Variants in CECR2 observed in about 807,000 individuals in gnomAD.
CECR2 encodes the protein chromatin remodeling regulator CECR2.
In CECR2, 30 loss-of-function variants were observed where a neutral mutation model predicts 154.5. That is an observed-to-expected ratio of 0.19 (90% CI 0.15 to 0.26). The LOEUF (loss-of-function observed/expected upper bound fraction) is 0.26. Among genes scored for constraint, CECR2 ranks in the 10% least tolerant of loss-of-function variants. CECR2 has a pLI of 1.00. For synonymous variants in CECR2, 725 were observed against 683.7 expected (o/e 1.06, Z -0.94); for missense variants, 1,743 against 1,829.3 (o/e 0.95, Z 0.86).
rs562584705 is a variant in CECR2 at position 17,407,721 on chromosome 22, C to T, written c.126+37812C>T. Among the ~76,000 whole-genome samples, 3 of 152,216 alleles carry T rather than the reference C, an allele frequency of 2.0e-5. No individual in the cohort carries two copies. In the South Asian group the frequency reaches 6.2e-4, roughly 32 times the overall value. On this transcript the variant is annotated intron_variant, in intron 1 of 18. Coordinates refer to ENST00000262608, the MANE Select transcript of CECR2 (RefSeq NM_001290047.2). ...CAGTGGTTCTCAACGGGGTGATTTGCCCTCTTAGAGGACTTTGGCGGTGTC... is the reference window on the plus strand; with the variant it reads ...CAGTGGTTCTCAACGGGGTGATTTGTCCTCTTAGAGGACTTTGGCGGTGTC...
chr22:17,427,506 C>T (rs780543240), intron 1 of CECR2, among the ~76,000 whole-genome samples: 3 of 151,826 alleles, frequency 2.0e-5, no homozygotes, highest in South Asian at 4.2e-4. Context: ...TTAAAGGTGG[C>T]GCGTCCAGGG....
intron 1 of CECR2, among the ~76,000 whole-genome samples, chr22:17,404,396 C>T (rs1301217738): frequency 9.3e-5 from 2 of 21,426 alleles, no homozygotes; most frequent in East Asian, 7.2e-4. Context: ...TTTTTTGAGA[C>T]GGAGTCTCGC....
chr22:17,458,053 C>T (rs879496442), intron 1 of CECR2, among the ~76,000 whole-genome samples: 13 of 151,972 alleles, frequency 8.6e-5, no homozygotes, highest in Non-Finnish European at 1.8e-4. Context: ...ACAAGGGAGC[C>T]CTGTGGTGAT....
chr22:17,540,443 G>A lies in CECR2; in HGVS notation c.1527G>A (p.Arg509=), dbSNP rs2056504240. The change falls in exon 14 of 19, where the codon AGG becomes AGA. Residue 509 remains arginine (R), a synonymous_variant. Coordinates refer to ENST00000262608, the MANE Select transcript of CECR2 (RefSeq NM_001290047.2). The part of the protein sequence containing the change: ...EYTKMSDNLE[R]CFHRAMMKHF... Reference sequence around the variant, plus strand: ...CCAAGATGTCTGATAATTTAGAGAGGTGTTTCCATCGGGCAATGATGAAAC... The same window carrying A: ...CCAAGATGTCTGATAATTTAGAGAGATGTTTCCATCGGGCAATGATGAAAC... The A allele has an allele frequency of 6.4e-7, 1 of 1,570,858 alleles. No individual in the cohort carries two copies. Among genetic ancestry groups the A allele is most frequent in the East Asian group, 2.3e-5 (1 of 44,356 alleles).
At chr22:17,437,879 A>G (rs1237297604) in intron 1 of CECR2, among the ~76,000 whole-genome samples, 1 of 152,228 alleles carries the variant, frequency 6.6e-6, no homozygotes, top group Non-Finnish European at 1.5e-5. Flanking sequence ...AATGTTAACC[A>G]ATGTTGACCA....
intron 1 of CECR2, among the ~76,000 whole-genome samples, chr22:17,454,983 C>T (rs1317241872): frequency 6.6e-6 from 1 of 152,198 alleles, no homozygotes; most frequent in African/African-American, 2.4e-5. Context: ...ACACGTCCAC[C>T]CTACTGCTGT....
chr22:17,459,820 T>C (rs1381284320), intron 1 of CECR2, among the ~76,000 whole-genome samples: 1 of 152,232 alleles, frequency 6.6e-6, no homozygotes, highest in Non-Finnish European at 1.5e-5. Context: ...TTTCCAAATA[T>C]GCAACCTAAA....
At chr22:17,391,445 C>T (rs1252597624) in intron 1 of CECR2, among the ~76,000 whole-genome samples, 5 of 152,212 alleles carry the variant, frequency 3.3e-5, no homozygotes, top group African/African-American at 9.6e-5. Flanking sequence ...ACTCTGGCTC[C>T]GGTCCAGGCT....
chr22:17,479,451 A>G (rs533903577), intron 2 of CECR2, among the ~76,000 whole-genome samples: 37 of 152,310 alleles, frequency 2.4e-4, no homozygotes, highest in African/African-American at 8.4e-4. Flanking sequence ...TTACAACAGT[A>G]AGTGCTTAGA....
chr22:17,506,962 C>T (rs1296755), intron 7 of CECR2, among the ~76,000 whole-genome samples: 131,679 of 152,262 alleles, frequency 0.86, 56,991 homozygotes, highest in East Asian at 0.97. Flanking sequence ...CCTGCCTTGC[C>T]TTTTCTATGG....
At chr22:17,524,304 G>A in intron 9 of CECR2, 33 bp downstream of exon 9, 1 of 1,599,102 alleles carries the variant, frequency 6.3e-7, no homozygotes, top group South Asian at 1.1e-5. Flanking sequence ...CTGGAGAGGT[G>A]CATGTCTGTC....
intron 1 of CECR2, among the ~76,000 whole-genome samples, chr22:17,400,359 C>G (rs1040949154): frequency 1.3e-5 from 2 of 152,132 alleles, no homozygotes; most frequent in Admixed American, 1.3e-4. Flanking sequence ...CAGCCAGTCA[C>G]TGAGGTGTGT....
chr22:17,422,661 T>C (rs1048819108), intron 1 of CECR2, among the ~76,000 whole-genome samples: 3 of 152,196 alleles, frequency 2.0e-5, no homozygotes, highest in African/African-American at 7.2e-5. Context: ...TTACACCTTT[T>C]GTACCTGTCC....
chr22:17,371,472 CTG>C (rs1204935140), intron 1 of CECR2, among the ~76,000 whole-genome samples: 1 of 152,154 alleles, frequency 6.6e-6, no homozygotes, highest in Non-Finnish European at 1.5e-5. Flanking sequence ...CTTTAGACAA[CTG>C]TTAATATTGA....
intron 3 of CECR2, 41 bp from the exon 4 acceptor site, chr22:17,499,369 G>A: frequency 6.3e-7 from 1 of 1,584,590 alleles, no homozygotes; most frequent in Admixed American, 1.9e-5. Flanking sequence ...GGTGCGTTTT[G>A]TTCCCCATTT....
chr22:17,555,320 T>A lies in CECR2; in HGVS notation c.*2480T>A, dbSNP rs2056760742. The A allele has an allele frequency of 6.6e-6, 1 of 152,240 alleles. No homozygotes were observed. Among genetic ancestry groups the A allele is most frequent in the African/African-American group, 2.4e-5 (1 of 41,462 alleles). 9.4% of individuals were successfully genotyped at this position (152,240 alleles called of 1,614,324 possible). ...GAAGAGCAATAGGAAATAGAACTAC[T>A]GTATTATAACACTGTGAACAAGAAC... On this transcript the variant is annotated 3_prime_UTR_variant, in exon 19 of 19. Transcript: ENST00000262608.
At chr22:17,435,915 G>T (rs978089161) in intron 1 of CECR2, among the ~76,000 whole-genome samples, 3 of 151,956 alleles carry the variant, frequency 2.0e-5, no homozygotes, top group Non-Finnish European at 4.4e-5. Context: ...TAAATTTTTT[G>T]AAACTTTAGT....
chr22:17,494,848 C>T (rs2055594345), intron 2 of CECR2, among the ~76,000 whole-genome samples: 1 of 152,152 alleles, frequency 6.6e-6, no homozygotes, highest in Non-Finnish European at 1.5e-5. Flanking sequence ...GCACACGCCA[C>T]CACGCCCGGC....
intron 9 of CECR2, among the ~76,000 whole-genome samples, chr22:17,527,015 G>A (rs2146974899): frequency 6.6e-6 from 1 of 152,200 alleles, no homozygotes; most frequent in African/African-American, 2.4e-5. Context: ...CCCACAGAAT[G>A]GGAGAAAACA....
Sources: gnomAD v4.1 joint callset for allele counts (sites outside exome capture counted in the v4.1 genomes callset) on GRCh38, gnomAD v4.1.1 for gene constraint, MANE v1.5 for transcripts, NCBI Gene and HGNC (gene_info 2026-07-23, HGNC 2026-07-21) for gene names.